LIPN: variants seen among roughly 807,000 people sequenced by gnomAD.
LIPN encodes lipase family member N.
A neutral mutation model predicts 43.7 loss-of-function variants in LIPN; 32 were observed. That is an observed-to-expected ratio of 0.73 (90% confidence interval 0.55 to 0.98). The LOEUF (loss-of-function observed/expected upper bound fraction) is 0.98, where lower values mean the gene tolerates loss of function less well. LIPN is among the 50% of genes least tolerant of loss of function. LIPN has a pLI of 0.00. For synonymous variants in LIPN, 156 were observed against 157.6 expected, an observed-to-expected ratio of 0.99 and a Z score of 0.08; for missense variants, 505 against 483.8, an observed-to-expected ratio of 1.04 and a Z score of -0.41.
chr10:88,769,056 G>A (rs534889137), intron 6 of LIPN, 128 bp downstream of exon 6: 12 of 892,564 alleles, frequency 1.3e-5, no homozygotes, highest in Non-Finnish European at 1.9e-5. Flanking sequence ...GACTCTGTGG[G>A]TATGTGCTTG....
Position 88,778,984 on chromosome 10 carries a change from A to C in LIPN, c.*742A>C, listed in dbSNP as rs1238560501. Among the ~76,000 whole-genome samples, 1 of 152,186 alleles carries C rather than the reference A, an allele frequency of 6.6e-6. No homozygotes were observed. The highest frequency in any genetic ancestry group is 1.9e-4 in the East Asian group (1 of 5,192). On this transcript the variant is annotated 3_prime_UTR_variant, in exon 10 of 10. Transcript: ENST00000404459. ...TTTTTGTTCTTTGAGGGGTTTGAAC[A>C]TTCCATGAAAAACTGACAGATAGGA...
At chr10:88,757,361 C>G (rs1042256131), upstream of LIPN, among the ~76,000 whole-genome samples, 1 of 152,136 alleles carries the variant, frequency 6.6e-6, no homozygotes, top group Non-Finnish European at 1.5e-5. Context: ...TGGTCCTGAT[C>G]GTGTCACTCC....
At position 88,770,899 on chromosome 10, in the gene LIPN, T is replaced by G; in HGVS notation, c.727T>G (p.Ser243Ala). The G allele has an allele frequency of 1.3e-6, 2 of 1,545,724 alleles. No individual in the cohort carries two copies. The highest frequency in any genetic ancestry group is 1.8e-6 in the Non-Finnish European group (2 of 1,141,894). The change falls in exon 7 of 10, where the codon TCT becomes GCT. Residue 243 changes from serine to alanine, a missense_variant. Transcript: ENST00000404459. ...FLEDKKTKIASTKICNNKILW... is the reference protein window; with the variant it reads ...FLEDKKTKIAATKICNNKILW... ...AGAAGATAAGAAAACGAAGATAGCT[T>G]CTACCAAAATCTGCAACAATAAGAT...
At chr10:88,776,362 C>T (rs1843296301) in intron 9 of LIPN, among the ~76,000 whole-genome samples, 1 of 151,988 alleles carries the variant, frequency 6.6e-6, no homozygotes, top group South Asian at 2.1e-4. Context: ...AATAAACATG[C>T]TATATTTATA....
rs148509194 is a variant in LIPN, at chr10:88,772,745, C to T, written c.820-1728C>T. ...TCTTATATTTAGAAAAACCTAAAGACTCCAACAAAAAACCTGCTAGAACTG... is the reference window on the plus strand; with the variant it reads ...TCTTATATTTAGAAAAACCTAAAGATTCCAACAAAAAACCTGCTAGAACTG... On this transcript the variant is annotated intron_variant, in intron 7 of 9. Coordinates refer to ENST00000404459, the MANE Select transcript of LIPN (RefSeq NM_001102469.2). 7.4e-3 allele frequency among the ~76,000 whole-genome samples: 1,111 copies of T among 151,096 alleles called. 7 individuals are homozygous for T. The highest frequency in any genetic ancestry group is 0.048 in the Middle Eastern group (14 of 294).
chr10:88,757,380 G>A (rs1000664517), upstream of LIPN, among the ~76,000 whole-genome samples: 1 of 152,132 alleles, frequency 6.6e-6, no homozygotes, highest in Non-Finnish European at 1.5e-5. Flanking sequence ...CCGGAACATG[G>A]ACGTTATCAA....
rs1224404818 is a variant in LIPN at position 88,774,552 on chromosome 10, C to T, written c.891+8C>T. On this transcript the variant is annotated splice_region_variant and intron_variant, in intron 8 of 9. Coordinates refer to ENST00000404459, the MANE Select transcript of LIPN (RefSeq NM_001102469.2). ...ATTCTGCATATAAAACAGGTAGAGT[C>T]TTAGTCATGGAAAACCATTCCAATC... 1 of 1,604,968 alleles carries T rather than the reference C, an allele frequency of 6.2e-7. No homozygotes were observed.
intron 5 of LIPN, among the ~76,000 whole-genome samples, chr10:88,768,349 T>G (rs577135815): frequency 2.0e-5 from 3 of 151,894 alleles, no homozygotes; most frequent in African/African-American, 4.8e-5. Flanking sequence ...AAAGAAAACC[T>G]GTTAGAATAA....
At chr10:88,776,995 T>C (rs373824956) in intron 9 of LIPN, among the ~76,000 whole-genome samples, 1 of 152,132 alleles carries the variant, frequency 6.6e-6, no homozygotes, top group Admixed American at 6.6e-5. Flanking sequence ...TATGTCACTC[T>C]GTTCTTATCA....
chr10:88,758,590 T>C (rs1363630573), upstream of LIPN, among the ~76,000 whole-genome samples: 2 of 149,282 alleles, frequency 1.3e-5, no homozygotes, highest in African/African-American at 4.9e-5. Flanking sequence ...GAACAATATA[T>C]AATACAGAAA....
At chr10:88,769,612 G>A (rs753247304) in intron 6 of LIPN, 182 of 982,466 alleles carry the variant, frequency 1.9e-4, no homozygotes, top group Admixed American at 3.1e-4. Context: ...TTGAACTTGG[G>A]ATGATGGATA....
upstream of LIPN, among the ~76,000 whole-genome samples, chr10:88,758,779 G>A (rs1270957153): frequency 1.3e-5 from 2 of 151,858 alleles, no homozygotes; most frequent in African/African-American, 4.8e-5. Context: ...AGTTGAGGAG[G>A]GAATATAAGT....
intron 7 of LIPN, 84 bp downstream of exon 7, chr10:88,771,075 T>C (rs1843200765): frequency 6.1e-6 from 7 of 1,144,126 alleles, no homozygotes; most frequent in East Asian, 2.6e-5. Context: ...CTATTTACTG[T>C]ATAAATTCAT....
chr10:88,777,531 TC>T (rs1419592087), intron 9 of LIPN, among the ~76,000 whole-genome samples: 1 of 151,988 alleles, frequency 6.6e-6, no homozygotes, highest in African/African-American at 2.4e-5. Flanking sequence ...TGTCCAAATT[TC>T]CTAGCCTGAC....
chr10:88,772,758 C>T (rs1843231069), intron 7 of LIPN, among the ~76,000 whole-genome samples: 1 of 150,962 alleles, frequency 6.6e-6, no homozygotes, highest in Non-Finnish European at 1.5e-5. Flanking sequence ...CAACAAAAAA[C>T]CTGCTAGAAC....
At chr10:88,776,331 C>T (rs189854886) in intron 9 of LIPN, among the ~76,000 whole-genome samples, 2,075 of 151,986 alleles carry the variant, frequency 0.014, 20 homozygotes, top group Non-Finnish European at 0.02. Flanking sequence ...TTACATATGT[C>T]TGTTTTCTTC....
intron 5 of LIPN, among the ~76,000 whole-genome samples, chr10:88,767,348 C>G (rs1843119574): frequency 6.6e-6 from 1 of 151,634 alleles, no homozygotes; most frequent in Non-Finnish European, 1.5e-5. Flanking sequence ...AAAATGCCAC[C>G]AATAGGCAAA....
upstream of LIPN, among the ~76,000 whole-genome samples, chr10:88,757,672 T>C (rs1842943457): frequency 6.6e-6 from 1 of 152,188 alleles, no homozygotes; most frequent in Admixed American, 6.6e-5. Flanking sequence ...TAATATGTAA[T>C]CTCAAAAACA....
At position 88,761,446 on chromosome 10, in the gene LIPN, G is replaced by T; in HGVS notation, c.41G>T (p.Gly14Val). ...LLLTTTCLICGTLNAGGFLDL... is the reference protein window; with the variant it reads ...LLLTTTCLICVTLNAGGFLDL... ...TTAACAACAACTTGTTTGATCTGTG[G>T]AACTTTAAATGCTGGTGGATTCCTT... The change falls in exon 2 of 10, where the codon GGA becomes GTA. Residue 14 changes from glycine to valine, a missense_variant. Transcript: ENST00000404459. 6.2e-7 allele frequency: 1 copy of T among 1,612,360 alleles called. No individual in the cohort carries two copies. Among genetic ancestry groups the T allele is most frequent in the Non-Finnish European group, 8.5e-7 (1 of 1,178,996 alleles).
Sources: allele counts gnomAD v4.1 joint callset (sites outside exome capture counted in the v4.1 genomes callset), GRCh38; gene constraint gnomAD v4.1.1; transcripts MANE v1.5; gene names NCBI Gene and HGNC (gene_info 2026-07-23, HGNC 2026-07-21).